The following ATR variants were observed in gnomAD, a reference collection of about 807,000 sequenced individuals.
ATR encodes serine/threonine-protein kinase ATR.
A neutral mutation model predicts 305.3 loss-of-function variants in ATR; 142 were observed. The observed-to-expected ratio is 0.47, with a 90% CI of 0.41 to 0.53. ATR has a LOEUF of 0.53. Ranked by LOEUF, ATR falls within the 20% of genes least tolerant of loss-of-function variation. ATR has a pLI of 0.00. For synonymous variants in ATR, 1,050 were observed against 1,068.1 expected, an observed-to-expected ratio of 0.98 and a Z score of 0.33; for missense variants, 2,135 against 3,133.1, an observed-to-expected ratio of 0.68 and a Z score of 7.60.
chr3:142,562,307 T>C lies in ATR; in HGVS notation c.1095A>G (p.Leu365=). Residue 365 remains leucine (L), a synonymous_variant, in exon 4 of 47, where the codon TTA becomes TTG. Coordinates refer to ENST00000350721, the MANE Select transcript of ATR (RefSeq NM_001184.4). ...KFVPAGYESA[L]QVRKVYVRNI... is the part of the protein sequence containing the mutation. Reference sequence around the variant, plus strand: ...TTCTCACATAGACCTTCCTGACTTGTAAAGCAGATTCATACCCAGCTGGCA... The same window carrying C: ...TTCTCACATAGACCTTCCTGACTTGCAAAGCAGATTCATACCCAGCTGGCA... 6.2e-7 allele frequency: 1 copy of C among 1,614,100 alleles called. No individual in the cohort carries two copies. Among genetic ancestry groups the C allele is most frequent in the East Asian group, 2.2e-5 (1 of 44,874 alleles).
In ATR at chr3:142,561,224, T is replaced by G. The variant is rs757056162; in HGVS notation, c.1349+19A>C. On this transcript the variant is annotated intron_variant, in intron 5 of 46. Transcript: ENST00000350721. Reference sequence around the variant, plus strand: ...TTTTATTTAATGGCTAAATACAAACTGAATGAAGGTCATCATACTCCTCAG... The same window carrying G: ...TTTTATTTAATGGCTAAATACAAACGGAATGAAGGTCATCATACTCCTCAG... The G allele has an allele frequency of 6.2e-7, 1 of 1,610,028 alleles. No individual in the cohort carries two copies. The highest frequency in any genetic ancestry group is 1.7e-5 in the Admixed American group (1 of 59,976).
At chr3:142,527,024 A>G (rs543041670) in intron 21 of ATR, among the ~76,000 whole-genome samples, 6 of 152,264 alleles carry the variant, frequency 3.9e-5, no homozygotes, top group Admixed American at 3.9e-4. Flanking sequence ...CTTGGGCTCA[A>G]GCAATCCATC....
At chr3:142,498,114 T>C (rs2031750913) in intron 32 of ATR, among the ~76,000 whole-genome samples, 2 of 152,314 alleles carry the variant, frequency 1.3e-5, no homozygotes, top group African/African-American at 4.8e-5. Context: ...CAATATTTAG[T>C]TTATCATTTT....
Position 142,553,665 on chromosome 3 carries a change from T to C in ATR, c.2608A>G (p.Ile870Val), listed in dbSNP as rs763994421. ...SRNNELKDTL[I>V]LTTGDIGRAA... is the part of the protein sequence containing the mutation. ...CTTCCAATATCCCCTGTTGTAAGAA[T>C]CAAGGTATCCTTCAGCTCATTATTT... Residue 870 changes from isoleucine (I) to valine (V), a missense_variant, in exon 12 of 47, where the codon ATT becomes GTT. Physicochemically the swap from Ile to Val is conservative, Grantham distance 29 (BLOSUM62 3). Around this residue, in one of 9 missense-constraint regions of ATR, gnomAD observed 530 missense variants for 766.8 expected, o/e 0.69. Transcript: ENST00000350721. 16 of 1,610,790 alleles carry C rather than the reference T, an allele frequency of 9.9e-6. No homozygotes were observed. The Admixed American group carries it at 2.5e-4, about 25-fold the overall frequency.
intron 3 of ATR, among the ~76,000 whole-genome samples, chr3:142,565,733 T>A (rs1222960556): frequency 1.3e-5 from 1 of 79,332 alleles, no homozygotes; most frequent in Admixed American, 1.6e-4. Context: ...CTGTCTTATT[T>A]AAAAAAAAAA....
intron 36 of ATR, chr3:142,472,081 T>A (rs1425833905): frequency 8.3e-6 from 1 of 120,186 alleles, no homozygotes; most frequent in Non-Finnish European, 1.7e-5. Flanking sequence ...TGAATAGTAT[T>A]CCATTGTGTG....
chr3:142,541,938 GTT>G (rs1215138976), intron 17 of ATR, among the ~76,000 whole-genome samples: 1 of 151,672 alleles, frequency 6.6e-6, no homozygotes, highest in Admixed American at 6.6e-5. Flanking sequence ...GGTGTTTTTT[GTT>G]TGTTTTTATT....
At chr3:142,470,294 T>C in intron 36 of ATR, 111 bp from the exon 37 acceptor site, 1 of 914,514 alleles carries the variant, frequency 1.1e-6, no homozygotes, top group Non-Finnish European at 1.7e-6. Context: ...AAAATTATGG[T>C]ATCAATATTT....
rs1371461702 is a variant in ATR at position 142,485,210 on chromosome 3, G to T, written c.6151C>A (p.Pro2051Thr). 1 of 1,614,032 alleles carries T rather than the reference G, an allele frequency of 6.2e-7. No homozygotes were observed. The highest frequency in any genetic ancestry group is 2.2e-5 in the East Asian group (1 of 44,870). ...TCCATTTTGTTGTCTGTGACCATGG[G>T]CATCAATTTGTCATAGTACTTGGCA... ...YLAKYYDKLM[P>T]MVTDNKMEKQ... is the part of the protein sequence containing the mutation. The change falls in exon 36 of 47, where the codon CCC (proline) becomes ACC (threonine). Residue 2051 changes from proline to threonine, a missense_variant. Pro to Thr is a conservative substitution (Grantham distance 38). Around this residue, in one of 9 missense-constraint regions of ATR, gnomAD observed 462 missense variants for 887.6 expected, o/e 0.52. Coordinates refer to ENST00000350721, the MANE Select transcript of ATR (RefSeq NM_001184.4).
At chr3:142,531,560 C>T (rs2033646576) in intron 21 of ATR, among the ~76,000 whole-genome samples, 1 of 152,160 alleles carries the variant, frequency 6.6e-6, no homozygotes, top group Non-Finnish European at 1.5e-5. Flanking sequence ...CCAGCTTCAT[C>T]CATGTCCCTA....
chr3:142,507,300 C>T (rs761913711), intron 28 of ATR, among the ~76,000 whole-genome samples: 1 of 152,134 alleles, frequency 6.6e-6, no homozygotes, highest in Non-Finnish European at 1.5e-5. Context: ...ATTATTTCAC[C>T]AGCATTTTCA....
At chr3:142,565,769 C>CA (rs1165743612) in intron 3 of ATR, among the ~76,000 whole-genome samples, 1 of 86,834 alleles carries the variant, frequency 1.2e-5, no homozygotes, top group Non-Finnish European at 2.6e-5. Flanking sequence ...GGAAACAAAA[C>CA]AAAACACCAA....
chr3:142,578,599 G>T, intron 1 of ATR, 47 bp downstream of exon 1: 1 of 1,587,098 alleles, frequency 6.3e-7, no homozygotes, highest in Non-Finnish European at 8.6e-7. Flanking sequence ...AACCCAAGCC[G>T]GAATCAGCGG....
intron 42 of ATR, 33 bp from the exon 43 acceptor site, chr3:142,459,416 C>T: frequency 6.2e-7 from 1 of 1,610,992 alleles, no homozygotes; most frequent in South Asian, 1.1e-5. Flanking sequence ...TTAATCACAT[C>T]AGCCAAATGA....
chr3:142,477,868 G>T (rs1220070971), intron 36 of ATR, among the ~76,000 whole-genome samples: 1 of 152,172 alleles, frequency 6.6e-6, no homozygotes, highest in African/African-American at 2.4e-5. Flanking sequence ...AGATTTTCTA[G>T]CTTATTTGCA....
intron 16 of ATR, among the ~76,000 whole-genome samples, chr3:142,546,117 C>T (rs2034259504): frequency 6.6e-6 from 1 of 152,118 alleles, no homozygotes; most frequent in Non-Finnish European, 1.5e-5. Context: ...TGAATTCAGT[C>T]AGCAGGAAAT....
At chr3:142,452,818 T>C in intron 46 of ATR, 1 of 1,207,404 alleles carries the variant, frequency 8.3e-7, no homozygotes, top group Non-Finnish European at 1.0e-6. Flanking sequence ...AGCTCAGACC[T>C]GTTGTTCTGT....
At chr3:142,528,879 A>ATTTTTTTTTTTTTTTTTTTT (rs1170239080) in intron 21 of ATR, among the ~76,000 whole-genome samples, 1 of 30,486 alleles carries the variant, frequency 3.3e-5, no homozygotes, top group Non-Finnish European at 5.0e-5. Flanking sequence ...ATATATATAT[A>ATTTTTTTTTTTTTTTTTTTT]TTTTTTTTTT....
intron 31 of ATR, 46 bp from the exon 32 acceptor site, chr3:142,498,820 C>T (rs2108342240): frequency 6.4e-7 from 1 of 1,565,556 alleles, no homozygotes; most frequent in Non-Finnish European, 8.8e-7. Flanking sequence ...TAGCTGGGTC[C>T]AAGAGTCAGC....
Sources: allele counts gnomAD v4.1 joint callset (sites outside exome capture counted in the v4.1 genomes callset), GRCh38; gene constraint gnomAD v4.1.1; regional missense constraint gnomAD v4.1.1; transcripts MANE v1.5; gene names NCBI Gene and HGNC (gene_info 2026-07-23, HGNC 2026-07-21).